The following NCKAP5 variants were observed in gnomAD, a reference collection of about 807,000 sequenced individuals.
NCKAP5 encodes nck-associated protein 5.
Under a neutral mutation model 167.0 loss-of-function variants are expected in NCKAP5, and 92 were observed. The observed-to-expected ratio is 0.55, with a 90% CI of 0.47 to 0.66. The LOEUF (loss-of-function observed/expected upper bound fraction) is 0.66, where lower values mean the gene tolerates loss of function less well. NCKAP5 is among the 30% of genes least tolerant of loss of function. The probability of loss-of-function intolerance (pLI) is 0.00; values close to 1 mark genes in which losing one functional copy is unlikely to be tolerated. For synonymous variants in NCKAP5, 891 were observed against 877.4 expected, an observed-to-expected ratio of 1.02 and a Z score of -0.27; for missense variants, 2,378 against 2,315.0, an observed-to-expected ratio of 1.03 and a Z score of -0.56.
intron 3 of NCKAP5, among the ~76,000 whole-genome samples, chr2:133,428,100 A>G (rs1689927417): frequency 6.6e-6 from 1 of 152,126 alleles, no homozygotes; most frequent in Admixed American, 6.5e-5. Flanking sequence ...AACGGGCACT[A>G]GGCAAAAGTC....
intron 8 of NCKAP5, among the ~76,000 whole-genome samples, chr2:132,901,975 C>A (rs1693663910): frequency 6.6e-6 from 1 of 152,288 alleles, no homozygotes; most frequent in Middle Eastern, 3.4e-3. Context: ...CAAAGGTTCT[C>A]ATTTTCTATT....
chr2:133,254,329 A>G (rs2088508275), intron 4 of NCKAP5, among the ~76,000 whole-genome samples: 1 of 152,032 alleles, frequency 6.6e-6, no homozygotes, highest in Non-Finnish European at 1.5e-5. Context: ...AAAGACACCC[A>G]GTCACCCCAG....
At chr2:132,766,304 A>AAG (rs1558740666) in intron 16 of NCKAP5, among the ~76,000 whole-genome samples, 1 of 150,486 alleles carries the variant, frequency 6.6e-6, no homozygotes, top group African/African-American at 2.4e-5. Context: ...AAAAAAAAAA[A>AAG]AGAGAAAATC....
intron 6 of NCKAP5, among the ~76,000 whole-genome samples, chr2:133,115,822 T>TCACACACACACACACACA (rs141741244): frequency 0.043 from 5,300 of 122,898 alleles, 261 homozygotes; most frequent in African/African-American, 0.11. Context: ...TATATAGTGT[T>TCACACACACACACACACA]CACACACACA....
At chr2:132,739,771 A>C (rs76736515) in intron 16 of NCKAP5, among the ~76,000 whole-genome samples, 3,028 of 152,272 alleles carry the variant, frequency 0.02, 51 homozygotes, top group Middle Eastern at 0.048. Flanking sequence ...CATCAAAAGC[A>C]TTAATGAATG....
At chr2:133,181,179 A>G (rs2084715512) in intron 5 of NCKAP5, among the ~76,000 whole-genome samples, 1 of 152,170 alleles carries the variant, frequency 6.6e-6, no homozygotes, top group African/African-American at 2.4e-5. Flanking sequence ...GAAATCTTTA[A>G]GACATTTACA....
Position 132,728,962 on chromosome 2 carries a change from G to C in NCKAP5, c.5444-10C>G. 6.2e-7 allele frequency: 1 copy of C among 1,613,824 alleles called. No homozygotes were observed. ...TGGGAACTGACTTTTCCTAAATGAG[G>C]ACACGTATGTGGAATCACATATCAC... On this transcript the variant is annotated splice_polypyrimidine_tract_variant and intron_variant, in intron 17 of 19. Coordinates refer to ENST00000409261, the MANE Select transcript of NCKAP5 (RefSeq NM_207363.3).
In NCKAP5 at chr2:133,122,649, C is replaced by G. The variant is rs574054360; in HGVS notation, c.341+7329G>C. On this transcript the variant is annotated intron_variant, in intron 6 of 19. Transcript: ENST00000409261. ...GCTGTTCCCAACAGAAATTTTTCAT[C>G]TAGGCTCGGCAGTTTTCTAATCTCA... 7 of 152,236 alleles carry G rather than the reference C, an allele frequency of 4.6e-5. No homozygotes were observed. The South Asian group carries it at 6.2e-4, about 14-fold the overall frequency. The allele number at this position is 152,236 out of a possible 1,614,324, so 9.4% of individuals were successfully genotyped here.
chr2:132,726,913 T>G (rs1472873795), intron 18 of NCKAP5, among the ~76,000 whole-genome samples: 2 of 152,226 alleles, frequency 1.3e-5, no homozygotes, highest in Admixed American at 1.3e-4. Flanking sequence ...GGGTAACGTG[T>G]GTCCAGACCT....
chr2:133,273,808 T>C (rs1242925859), intron 4 of NCKAP5, among the ~76,000 whole-genome samples: 4 of 151,506 alleles, frequency 2.6e-5, no homozygotes, highest in African/African-American at 9.7e-5. Context: ...AAAAAAAAAT[T>C]TGGGGGAAGA....
intron 11 of NCKAP5, among the ~76,000 whole-genome samples, chr2:132,840,292 T>TTTGG (rs770227651): frequency 6.8e-6 from 1 of 147,400 alleles, no homozygotes; most frequent in Non-Finnish European, 1.5e-5. Flanking sequence ...TTTTTTTTTT[T>TTTGG]TGAGATAGAG....
At chr2:133,591,624 C>T in the NCKAP5 span, among the ~76,000 whole-genome samples, 8 of 152,066 alleles carry the variant, frequency 5.3e-5, no homozygotes, top group African/African-American at 1.2e-4. Flanking sequence ...AGCGCTTGGG[C>T]GGCACAAAAC....
intron 5 of NCKAP5, among the ~76,000 whole-genome samples, chr2:133,172,409 A>G (rs1309549356): frequency 2.6e-5 from 4 of 152,362 alleles, no homozygotes; most frequent in East Asian, 1.9e-4. Context: ...ATGTTTCTGC[A>G]TCACAAATCT....
intron 15 of NCKAP5, among the ~76,000 whole-genome samples, chr2:132,780,308 T>G (rs903785067): frequency 6.6e-6 from 1 of 152,056 alleles, no homozygotes; most frequent in Non-Finnish European, 1.5e-5. Flanking sequence ...CCCACCACCA[T>G]GCCTGGCTAA....
intron 8 of NCKAP5, among the ~76,000 whole-genome samples, chr2:132,894,118 G>A (rs1193253617): frequency 4.3e-4 from 66 of 152,208 alleles, no homozygotes; most frequent in Admixed American, 4.3e-3. Flanking sequence ...AGGAATCCTG[G>A]CACCAGCAAC....
At chr2:133,384,139 T>C (rs1482484135) in intron 3 of NCKAP5, among the ~76,000 whole-genome samples, 1 of 152,254 alleles carries the variant, frequency 6.6e-6, no homozygotes, top group Non-Finnish European at 1.5e-5. Flanking sequence ...CCCATGCCTA[T>C]GTCCTGAATG....
chr2:133,468,838 C>T (rs967411505), intron 3 of NCKAP5, among the ~76,000 whole-genome samples: 3 of 152,100 alleles, frequency 2.0e-5, no homozygotes, highest in African/African-American at 7.2e-5. Context: ...GCAACCCCTG[C>T]CTTTTTTTGT....
In NCKAP5 at chr2:133,111,127, G is replaced by A. The variant is rs115614563; in HGVS notation, c.341+18851C>T. 1.6e-3 allele frequency among the ~76,000 whole-genome samples: 249 copies of A among 152,246 alleles called. 1 individual carries two copies. Among genetic ancestry groups the A allele is most frequent in the Middle Eastern group, 6.8e-3 (2 of 294 alleles). On this transcript the variant is annotated intron_variant, in intron 6 of 19. Coordinates refer to ENST00000409261, the MANE Select transcript of NCKAP5 (RefSeq NM_207363.3). The stretch of plus-strand genomic sequence containing the variant: ...ATCAGGGGTTAGGGGTCGAAAATTC[G>A]AATTTTGGAGGTACACAATTCCATC...
At chr2:132,999,055 C>T (rs901201021) in intron 6 of NCKAP5, among the ~76,000 whole-genome samples, 4 of 152,212 alleles carry the variant, frequency 2.6e-5, no homozygotes, top group Non-Finnish European at 4.4e-5. Context: ...TAAATTCTAA[C>T]GTACATCAAG....
Sources: gnomAD v4.1 joint callset for allele counts (sites outside exome capture counted in the v4.1 genomes callset) on GRCh38, gnomAD v4.1.1 for gene constraint, MANE v1.5 for transcripts, NCBI Gene and HGNC (gene_info 2026-07-23, HGNC 2026-07-21) for gene names.